HOMER3: variants seen among roughly 807,000 people sequenced by gnomAD.
HOMER3 encodes homer protein homolog 3.
Under a neutral mutation model 45.5 loss-of-function variants are expected in HOMER3, and 34 were observed. That is an observed-to-expected ratio of 0.75 (90% CI 0.57 to 1.00). The LOEUF (loss-of-function observed/expected upper bound fraction) is 1.00. Among genes scored for constraint, HOMER3 ranks in the 50% least tolerant of loss-of-function variants. The pLI is 0.00. For missense variants in HOMER3, 480 were observed against 497.5 expected (o/e 0.96, Z 0.33); for synonymous variants, 223 against 208.8 (o/e 1.07, Z -0.58).
At position 18,931,489 on chromosome 19, in the gene HOMER3, G is replaced by A. The variant is rs756202089; in HGVS notation, c.807+20C>T. 4 of 1,612,678 alleles carry A rather than the reference G, an allele frequency of 2.5e-6. No individual in the cohort carries two copies. The East Asian group carries it at 8.9e-5, about 36-fold the overall frequency. ...GGAGGTGAGGGAAGGCGAGGCCCAGGAACCACACTTGGCACTCACCTGGTC... is the reference window on the plus strand; with the variant it reads ...GGAGGTGAGGGAAGGCGAGGCCCAGAAACCACACTTGGCACTCACCTGGTC... On this transcript the variant is annotated intron_variant, in intron 8 of 9. Transcript: ENST00000392351.
At chr19:18,933,129 G>A (rs993725443) in intron 5 of HOMER3, 84 bp from the exon 6 acceptor site, 23 of 1,393,628 alleles carry the variant, frequency 1.7e-5, no homozygotes, top group Non-Finnish European at 2.0e-5. Context: ...CATCGGGGGT[G>A]CAATTGACCT....
At position 18,932,949 on chromosome 19, in the gene HOMER3, G is replaced by A. The variant is rs1215639452; in HGVS notation, c.508C>T (p.Arg170Trp). 1 of 1,232,962 alleles carries A rather than the reference G, an allele frequency of 8.1e-7. No homozygotes were observed. The highest frequency in any genetic ancestry group is 1.0e-6 in the Non-Finnish European group (1 of 964,074). The allele number at this position is 1,232,962 out of a possible 1,614,324, so 76.4% of individuals were successfully genotyped here. ...ADAPGPTERE[R>W]LKKMLSEGSV... ...CCCTCAGACAACATCTTCTTTAGCC[G>A]CTCGCGCTCTGTGGGGCCGGGGGCA... The change falls in exon 6 of 10, where the codon CGG becomes TGG. Residue 170 changes from arginine to tryptophan, a missense_variant. Arg to Trp is a moderately radical substitution (Grantham distance 101). Coordinates refer to ENST00000392351, the MANE Select transcript of HOMER3 (RefSeq NM_004838.4).
Position 18,938,868 on chromosome 19 carries a change from T to C in HOMER3, c.31A>G (p.Ser11Gly), listed in dbSNP as rs1280516586. The C allele has an allele frequency of 6.2e-7, 1 of 1,604,922 alleles. No individual in the cohort carries two copies. The highest frequency in any genetic ancestry group is 8.5e-7 in the Non-Finnish European group (1 of 1,175,958). Reference protein sequence around the residue: MSTAREQPIFSTRAHVFQIDP... With the variant: MSTAREQPIFGTRAHVFQIDP... ...ATTTGGAACACGTGCGCCCGTGTGC[T>C]GAAGATTGGCTGCTCCCTGCGTGGG... is the stretch of plus-strand genomic sequence containing the variant. Residue 11 changes from serine to glycine, a missense_variant, in exon 3 of 10, where the codon AGC becomes GGC. Ser to Gly is a moderately conservative substitution (Grantham distance 56). Transcript: ENST00000392351.
rs1032669134 is a variant in HOMER3, at chr19:18,940,765, C to G, written c.-68+286G>C. 2.0e-5 allele frequency: 3 copies of G among 152,058 alleles called. No individual in the cohort carries two copies. The South Asian group carries it at 6.2e-4, about 32-fold the overall frequency. The allele number at this position is 152,058 out of a possible 1,614,324, so 9.4% of individuals were successfully genotyped here. A position where few individuals can be genotyped will look rare whatever the true frequency, so the allele number is the denominator to read the frequency against. ...CCCTGGGTCCGGGACGTCCGGACCC[C>G]TCCCACCCCAGTACCCCACCCCAGG... On this transcript the variant is annotated intron_variant, in intron 1 of 9. Coordinates refer to ENST00000392351, the MANE Select transcript of HOMER3 (RefSeq NM_004838.4).
At chr19:18,930,972 C>A (rs187299291) in intron 9 of HOMER3, among the ~76,000 whole-genome samples, 1 of 152,016 alleles carries the variant, frequency 6.6e-6, no homozygotes, top group Non-Finnish European at 1.5e-5. Context: ...CGTGCCATTG[C>A]ACTCCAGCCT....
chr19:18,929,514 G>A lies in HOMER3; in HGVS notation c.1015C>T (p.Leu339=). ...RAEVGRAAQL[L]DVSLFELSEL... is the part of the protein sequence containing the mutation. ...CTCAGCTCAAACAGGCTGACGTCCA[G>A]CAGCTGCGCTGCCCGGCCCACCTCA... Residue 339 remains leucine, a synonymous_variant, in exon 10 of 10, where the codon CTG becomes TTG. Coordinates refer to ENST00000392351, the MANE Select transcript of HOMER3 (RefSeq NM_004838.4). 1 of 1,580,676 alleles carries A rather than the reference G, an allele frequency of 6.3e-7. No individual in the cohort carries two copies. The highest frequency in any genetic ancestry group is 1.1e-5 in the South Asian group (1 of 87,770).
chr19:18,933,015 C>A lies in HOMER3; in HGVS notation c.442G>T (p.Gly148Cys). ...CGGAACAGTTTTTCCTCGCCGGGGC[C>A]GTTGGCACTGACGAGAGGGCTCGGG... The part of the protein sequence containing the change: ...VPPSPLVSAN[G>C]PGEEKLFRSQ... Residue 148 changes from glycine to cysteine, a missense_variant, in exon 6 of 10, where the codon GGC becomes TGC. By Grantham distance (159) the Gly-to-Cys change is radical (BLOSUM62 -3). Coordinates refer to ENST00000392351, the MANE Select transcript of HOMER3 (RefSeq NM_004838.4). 1 of 1,487,158 alleles carries A rather than the reference C, an allele frequency of 6.7e-7. No individual in the cohort carries two copies. Among genetic ancestry groups the A allele is most frequent in the Non-Finnish European group, 8.9e-7 (1 of 1,123,704 alleles). The allele number at this position is 1,487,158 out of a possible 1,614,324, so 92.1% of individuals were successfully genotyped here.
chr19:18,931,593 C>T lies in HOMER3; in HGVS notation c.723G>A (p.Glu241=), dbSNP rs2057033173. The T allele has an allele frequency of 6.2e-7, 1 of 1,612,632 alleles. No individual in the cohort carries two copies. Among genetic ancestry groups the T allele is most frequent in the Non-Finnish European group, 8.5e-7 (1 of 1,179,748 alleles). The change falls in exon 8 of 10, where the codon GAG becomes GAA. Residue 241 remains glutamate (E), a synonymous_variant. Coordinates refer to ENST00000392351, the MANE Select transcript of HOMER3 (RefSeq NM_004838.4). ...VAELEAQAAS[E]VTPTGEKEGL... is the part of the protein sequence containing the mutation. The stretch of plus-strand genomic sequence containing the variant: ...CCTCCTTCTCACCGGTGGGGGTCAC[C>T]TCTGAAGCTGCCTGAGCCTCCAGCT...
chr19:18,938,712 C>CCCA lies in HOMER3; in HGVS notation c.171+15_171+16insTGG. 2.0e-6 allele frequency: 3 copies of CCCA among 1,534,380 alleles called. No individual in the cohort carries two copies. Among genetic ancestry groups the CCCA allele is most frequent in the Non-Finnish European group, 1.8e-6 (2 of 1,120,808 alleles). ...GGACTCCTGGTGCCTCTGCCCCACCCAGACCCCACCCTGACCTTGGCGCCT... is the reference window on the plus strand; with the variant it reads ...GGACTCCTGGTGCCTCTGCCCCACCCCCAAGACCCCACCCTGACCTTGGCGCCT... On this transcript the variant is annotated intron_variant, in intron 3 of 9. Transcript: ENST00000392351.
At chr19:18,940,630 T>C (rs2057145696) in intron 1 of HOMER3, 1 of 151,824 alleles carries the variant, frequency 6.6e-6, no homozygotes, top group Admixed American at 6.6e-5. Context: ...CCCAGGTCGG[T>C]AACTCCGGGG....
chr19:18,935,286 C>T (rs1435918352), intron 4 of HOMER3, among the ~76,000 whole-genome samples: 2 of 151,930 alleles, frequency 1.3e-5, no homozygotes, highest in African/African-American at 4.8e-5. Flanking sequence ...ACTACAGGCC[C>T]GTGCCACCAC....
In HOMER3 at chr19:18,933,038, G is replaced by A. The variant is rs746165698; in HGVS notation, c.419C>T (p.Pro140Leu). ...GCCGTTGGCACTGACGAGAGGGCTC[G>A]GGGGCACCTAGGCACGGGGAAAAGA... The part of the protein sequence containing the change: ...ALGLASHQVP[P>L]SPLVSANGPG... Residue 140 changes from proline to leucine, a missense_variant, in exon 6 of 10, where the codon CCG (proline) becomes CTG (leucine). Transcript: ENST00000392351. The A allele has an allele frequency of 5.4e-6, 8 of 1,490,056 alleles. No individual in the cohort carries two copies. The highest frequency in any genetic ancestry group is 7.1e-6 in the Non-Finnish European group (8 of 1,124,732). 92.3% of individuals were successfully genotyped at this position (1,490,056 alleles called of 1,614,324 possible).
chr19:18,934,233 C>T (rs1353557405), intron 5 of HOMER3, 70 bp downstream of exon 5: 15 of 885,502 alleles, frequency 1.7e-5, no homozygotes, highest in East Asian at 3.2e-5. Context: ...TCAAGGTCCC[C>T]CAATATCAGT....
chr19:18,931,487 A>G (rs2145119965), intron 8 of HOMER3, 22 bp downstream of exon 8: 1 of 1,612,404 alleles, frequency 6.2e-7, no homozygotes, highest in Non-Finnish European at 8.5e-7. Flanking sequence ...GGCGAGGCCC[A>G]GGAACCACAC....
At position 18,932,017 on chromosome 19, in the gene HOMER3, G is replaced by A; in HGVS notation, c.649C>T (p.Leu217=). 1.3e-6 allele frequency: 2 copies of A among 1,548,260 alleles called. No homozygotes were observed. Among genetic ancestry groups the A allele is most frequent in the Non-Finnish European group, 1.7e-6 (2 of 1,146,918 alleles). The change falls in exon 7 of 10, where the codon CTG becomes TTG. Residue 217 remains leucine, a synonymous_variant. Coordinates refer to ENST00000392351, the MANE Select transcript of HOMER3 (RefSeq NM_004838.4). The stretch of plus-strand genomic sequence containing the variant: ...TCGGCCTCTGCACGCTGAGCCTCCA[G>A]CTGCTGCCTCCACTGGGCTGCGGCG... ...NAAAAQWRQQ[L]EAQRAEAERL...
chr19:18,931,955 C>T (rs1218640928), intron 7 of HOMER3, 21 bp downstream of exon 7: 3 of 1,507,318 alleles, frequency 2.0e-6, no homozygotes, highest in African/African-American at 1.4e-5. Flanking sequence ...GGGGGTCTCT[C>T]GGAGGGAGGG....
intron 4 of HOMER3, among the ~76,000 whole-genome samples, chr19:18,938,061 G>A (rs548324227): frequency 5.9e-5 from 9 of 151,982 alleles, no homozygotes; most frequent in African/African-American, 2.2e-4. Flanking sequence ...GCGTGGTGGC[G>A]GACTCCTGTA....
At chr19:18,936,718 G>A (rs1160110237) in intron 4 of HOMER3, among the ~76,000 whole-genome samples, 1 of 150,184 alleles carries the variant, frequency 6.7e-6, no homozygotes, top group Non-Finnish European at 1.5e-5. Flanking sequence ...GGCCGGGCGC[G>A]GTGGCTCACA....
intron 6 of HOMER3, among the ~76,000 whole-genome samples, chr19:18,932,699 C>T (rs1394279755): frequency 6.6e-6 from 1 of 151,278 alleles, no homozygotes; most frequent in Non-Finnish European, 1.5e-5. Flanking sequence ...AGGTTAGCAG[C>T]GAGAAGAGAC....
Sources: allele counts gnomAD v4.1 joint callset (sites outside exome capture counted in the v4.1 genomes callset), GRCh38; gene constraint gnomAD v4.1.1; transcripts MANE v1.5; gene names NCBI Gene and HGNC (gene_info 2026-07-23, HGNC 2026-07-21).